Variants in TANC1 observed in about 807,000 individuals in gnomAD.
TANC1 encodes protein TANC1.
A neutral mutation model predicts 149.7 loss-of-function variants in TANC1; 77 were observed. The observed-to-expected ratio is 0.51, with a 90% CI of 0.43 to 0.62. The LOEUF is 0.62. Among genes scored for constraint, TANC1 ranks in the 20% least tolerant of loss-of-function variants. The probability of loss-of-function intolerance (pLI) is 0.00; values close to 1 mark genes in which losing one functional copy is unlikely to be tolerated. For synonymous variants in TANC1, 854 were observed against 925.0 expected (o/e 0.92, Z 1.39); for missense variants, 1,985 against 2,321.8 (o/e 0.85, Z 2.98).
chr2:159,019,858 C>T (rs1413353395), intron 2 of TANC1, among the ~76,000 whole-genome samples: 5 of 151,176 alleles, frequency 3.3e-5, no homozygotes, highest in Admixed American at 3.3e-4. Context: ...CTGGCTTCAG[C>T]CTCCCGAAGT....
At chr2:159,087,151 G>A (rs892242914) in intron 3 of TANC1, among the ~76,000 whole-genome samples, 2 of 112,756 alleles carry the variant, frequency 1.8e-5, no homozygotes, top group East Asian at 4.1e-4. Context: ...GGTTCAAAAA[G>A]CCCGTTCCTG....
intron 7 of TANC1, among the ~76,000 whole-genome samples, chr2:159,154,147 C>T (rs73002939): frequency 0.017 from 2,617 of 152,230 alleles, 69 homozygotes; most frequent in African/African-American, 0.059. Flanking sequence ...ACACAGCTGC[C>T]GAGGCCTTGC....
intron 7 of TANC1, among the ~76,000 whole-genome samples, chr2:159,156,916 T>A (rs1485149551): frequency 6.6e-6 from 1 of 152,228 alleles, no homozygotes; most frequent in Non-Finnish European, 1.5e-5. Context: ...AGGTGTTTCC[T>A]TAGTTGAAGA....
intron 7 of TANC1, among the ~76,000 whole-genome samples, chr2:159,157,231 G>A (rs915916626): frequency 6.6e-6 from 1 of 152,196 alleles, no homozygotes; most frequent in African/African-American, 2.4e-5. Flanking sequence ...TTCCAGGCAA[G>A]GTGGCTTAAG....
chr2:159,124,649 C>T (rs1310942662), intron 4 of TANC1, among the ~76,000 whole-genome samples: 1 of 152,178 alleles, frequency 6.6e-6, no homozygotes, highest in African/African-American at 2.4e-5. Context: ...TCGATCTTTC[C>T]TCCAGGGATA....
chr2:159,112,366 C>G (rs2047814538), intron 4 of TANC1, among the ~76,000 whole-genome samples: 1 of 152,150 alleles, frequency 6.6e-6, no homozygotes, highest in African/African-American at 2.4e-5. Context: ...AGTGATTCTC[C>G]TGCTTCACCC....
intron 4 of TANC1, among the ~76,000 whole-genome samples, chr2:159,100,687 G>T (rs942096012): frequency 3.9e-5 from 6 of 152,246 alleles, no homozygotes; most frequent in Non-Finnish European, 8.8e-5. Flanking sequence ...TGGTAATTTG[G>T]CTTCATTATC....
intron 4 of TANC1, among the ~76,000 whole-genome samples, chr2:159,107,073 G>C (rs549175308): frequency 6.6e-6 from 1 of 152,196 alleles, no homozygotes; most frequent in Non-Finnish European, 1.5e-5. Flanking sequence ...TCTCGCCCAG[G>C]CTGGTGTGCA....
chr2:159,163,065 C>T (rs1439429565), intron 7 of TANC1, among the ~76,000 whole-genome samples: 1 of 152,182 alleles, frequency 6.6e-6, no homozygotes, highest in African/African-American at 2.4e-5. Context: ...GTTTCTCCCT[C>T]GCTCCTCTTC....
chr2:159,210,139 G>T (rs2058885133), intron 19 of TANC1, among the ~76,000 whole-genome samples: 1 of 152,156 alleles, frequency 6.6e-6, no homozygotes. Context: ...CTCAGTTCCA[G>T]TTTGCAGAAT....
intron 3 of TANC1, among the ~76,000 whole-genome samples, chr2:159,073,619 CTAATTT>C (rs2043361449): frequency 1.3e-5 from 2 of 152,152 alleles, no homozygotes; most frequent in South Asian, 4.1e-4. Flanking sequence ...ATTATCAAAT[CTAATTT>C]TATTTCACAA....
At chr2:159,089,853 G>C (rs999188176) in intron 3 of TANC1, among the ~76,000 whole-genome samples, 4 of 152,230 alleles carry the variant, frequency 2.6e-5, no homozygotes, top group African/African-American at 7.2e-5. Flanking sequence ...CTGCAAACAA[G>C]CTTGCCTCCG....
At chr2:159,040,883 T>C (rs1442444148) in intron 2 of TANC1, among the ~76,000 whole-genome samples, 1 of 152,240 alleles carries the variant, frequency 6.6e-6, no homozygotes, top group Non-Finnish European at 1.5e-5. Flanking sequence ...TCTGGTTTCT[T>C]ACCATCTTTG....
chr2:159,030,355 T>C (rs1344699676), intron 2 of TANC1, among the ~76,000 whole-genome samples: 3 of 152,236 alleles, frequency 2.0e-5, no homozygotes, highest in Admixed American at 1.3e-4. Context: ...TTTTATGTTA[T>C]TCTAAAGTGT....
At chr2:159,186,702 C>A in intron 15 of TANC1, 200 bp from the exon 16 acceptor site, 1 of 585,198 alleles carries the variant, frequency 1.7e-6, no homozygotes, top group Non-Finnish European at 3.0e-6. Flanking sequence ...CTAGTGAAGG[C>A]AGGCTGGTTC....
At position 159,198,965 on chromosome 2, in the gene TANC1, C is replaced by T. The variant is rs1339598242; in HGVS notation, c.3166-10C>T. The T allele has an allele frequency of 5.0e-6, 8 of 1,611,478 alleles. No individual in the cohort carries two copies. The highest frequency in any genetic ancestry group is 6.8e-6 in the Non-Finnish European group (8 of 1,177,868). ...GAGAACTCATTAAATCACCTTGCCA[C>T]TTCTGACAGGTGGTCCAGTGCTTGC... On this transcript the variant is annotated splice_polypyrimidine_tract_variant and intron_variant, in intron 18 of 26. Coordinates refer to ENST00000263635, the MANE Select transcript of TANC1 (RefSeq NM_033394.3).
At chr2:159,066,623 C>G (rs534319154) in intron 3 of TANC1, among the ~76,000 whole-genome samples, 36 of 152,300 alleles carry the variant, frequency 2.4e-4, no homozygotes, top group Admixed American at 9.8e-4. Flanking sequence ...AAATCCCATT[C>G]CCTTTCCCAC....
At chr2:159,199,477 C>A (rs1389114397) in intron 19 of TANC1, among the ~76,000 whole-genome samples, 1 of 152,182 alleles carries the variant, frequency 6.6e-6, no homozygotes, top group East Asian at 1.9e-4. Context: ...AGTGGCCTGC[C>A]CTGCCCTGTA....
intron 22 of TANC1, 72 bp downstream of exon 22, chr2:159,219,939 C>T: frequency 6.8e-7 from 1 of 1,477,684 alleles, no homozygotes; most frequent in South Asian, 1.2e-5. Flanking sequence ...CAGCTCAATC[C>T]AGGGCCTGCA....
Sources: allele counts gnomAD v4.1 joint callset (sites outside exome capture counted in the v4.1 genomes callset), GRCh38; gene constraint gnomAD v4.1.1; transcripts MANE v1.5; gene names NCBI Gene and HGNC (gene_info 2026-07-23, HGNC 2026-07-21).